Variants in SND1 observed in about 807,000 individuals in gnomAD.
The protein encoded by SND1 is staphylococcal nuclease and tudor domain containing 1, also known as staphylococcal nuclease domain-containing protein 1.
A neutral mutation model predicts 121.7 loss-of-function variants in SND1; 38 were observed. That is an observed-to-expected ratio of 0.31 (90% CI 0.24 to 0.41). SND1 has a LOEUF of 0.41. Ranked by LOEUF, SND1 falls within the 10% of genes least tolerant of loss-of-function variation. The pLI is 1.00. For synonymous variants in SND1, 401 were observed against 447.4 expected, an observed-to-expected ratio of 0.90 and a Z score of 1.31; for missense variants, 868 against 1,184.6, an observed-to-expected ratio of 0.73 and a Z score of 3.92.
At chr7:127,958,144 A>AAGTAGTAT (rs1448995657) in intron 15 of SND1, among the ~76,000 whole-genome samples, 2 of 152,200 alleles carry the variant, frequency 1.3e-5, no homozygotes, top group South Asian at 2.1e-4. Context: ...GCTGAAAGCT[A>AAGTAGTAT]AGTAGTATAG....
Position 127,686,640 on chromosome 7 carries a change from C to T in SND1, c.106C>T (p.Arg36Ter), listed in dbSNP as rs774043269. The T allele has an allele frequency of 2.5e-6, 4 of 1,613,952 alleles. No individual in the cohort carries two copies. The highest frequency in any genetic ancestry group is 1.1e-5 in the South Asian group (1 of 91,076). ...CCTCTCAGGGTGCGCCATCATTGTC[C>T]GAGGTCAGCCTCGTGGTGGGCCTCC... ...MVLSGCAIIV[R>*]GQPRGGPPPE... The change falls in exon 2 of 24, where the codon CGA becomes TGA. Residue 36 changes from arginine (R) to a stop codon, truncating the protein, a stop_gained. Coordinates refer to ENST00000354725, the MANE Select transcript of SND1 (RefSeq NM_014390.4). LOFTEE classifies it high-confidence loss of function.
chr7:127,954,794 C>T (rs982830088), intron 15 of SND1, among the ~76,000 whole-genome samples: 5 of 152,048 alleles, frequency 3.3e-5, no homozygotes, highest in African/African-American at 1.2e-4. Flanking sequence ...AATTGATGGC[C>T]TGGACCTAAA....
chr7:127,970,023 T>G (rs1801947226), intron 15 of SND1, among the ~76,000 whole-genome samples: 1 of 152,212 alleles, frequency 6.6e-6, no homozygotes, highest in South Asian at 2.1e-4. Flanking sequence ...AATTTCACAT[T>G]GTAGTCATTA....
At chr7:127,790,213 G>A (rs187585457) in intron 10 of SND1, among the ~76,000 whole-genome samples, 15 of 152,228 alleles carry the variant, frequency 9.9e-5, no homozygotes, top group South Asian at 8.3e-4. Context: ...CCTTGTCATC[G>A]AGTGGTGAGG....
chr7:127,792,964 C>A (rs1797940785), intron 10 of SND1, among the ~76,000 whole-genome samples: 1 of 152,212 alleles, frequency 6.6e-6, no homozygotes, highest in African/African-American at 2.4e-5. Flanking sequence ...AGCCAGGTGG[C>A]AAGGCAGAAA....
intron 2 of SND1, among the ~76,000 whole-genome samples, chr7:127,693,054 CTA>C (rs1327653472): frequency 6.6e-6 from 1 of 152,150 alleles, no homozygotes; most frequent in Middle Eastern, 3.2e-3. Context: ...TAGGAAAGCT[CTA>C]TGTTACTGAA....
chr7:127,885,462 A>C (rs1799884368), intron 12 of SND1, among the ~76,000 whole-genome samples: 1 of 152,160 alleles, frequency 6.6e-6, no homozygotes, highest in Admixed American at 6.6e-5. Context: ...TGAGCTTTAA[A>C]GGAAAGAGAG....
At chr7:127,808,140 A>G (rs932874287) in intron 11 of SND1, among the ~76,000 whole-genome samples, 3 of 138,838 alleles carry the variant, frequency 2.2e-5, no homozygotes, top group African/African-American at 8.1e-5. Flanking sequence ...TCATGTGCAG[A>G]TTTTTGTGTA....
intron 15 of SND1, among the ~76,000 whole-genome samples, chr7:127,944,277 G>A (rs1328979382): frequency 6.6e-6 from 1 of 152,188 alleles, no homozygotes. Flanking sequence ...TTGGAATCTG[G>A]CGTAAGCAGC....
chr7:127,926,543 C>CTTT (rs1800837240), intron 14 of SND1, among the ~76,000 whole-genome samples: 1 of 113,152 alleles, frequency 8.8e-6, no homozygotes, highest in Admixed American at 8.8e-5. Flanking sequence ...CTTTGATTTT[C>CTTT]TTTTTCTTTT....
chr7:127,927,349 C>T (rs1432466759), intron 14 of SND1, among the ~76,000 whole-genome samples: 2 of 152,084 alleles, frequency 1.3e-5, no homozygotes, highest in African/African-American at 2.4e-5. Flanking sequence ...TCATGATTTG[C>T]GATAATCAAT....
chr7:127,744,950 C>T lies in SND1; in HGVS notation c.1152+23550C>T, dbSNP rs549329842. On this transcript the variant is annotated intron_variant, in intron 10 of 23. Coordinates refer to ENST00000354725, the MANE Select transcript of SND1 (RefSeq NM_014390.4). ...TTGCATCTTGCAAATTACATAATGC[C>T]TGAGCAAGGTTTCCCTTTTAAAACT... 3.0e-4 allele frequency among the ~76,000 whole-genome samples: 45 copies of T among 152,344 alleles called. 2 individuals are homozygous for T. In the South Asian group the frequency reaches 8.7e-3, roughly 29 times the overall value.
At chr7:127,898,634 T>G (rs747532588) in intron 13 of SND1, among the ~76,000 whole-genome samples, 1 of 152,196 alleles carries the variant, frequency 6.6e-6, no homozygotes, top group Non-Finnish European at 1.5e-5. Context: ...AGTTTTTTAC[T>G]CTTTGTTCTG....
At position 128,029,741 on chromosome 7, in the gene SND1, G is replaced by A; in HGVS notation, c.1779+38685G>A. ...GAATGTCACAATCACAGTTCCAAGG[G>A]TTGTGGTGTAGATGCAACTCCACCA... On this transcript the variant is annotated intron_variant, in intron 16 of 23. Transcript: ENST00000354725. The surrounding 1 kb of genome is among the most constrained non-coding windows in gnomAD (Gnocchi z 4.2). The A allele has an allele frequency of 6.2e-7, 1 of 1,614,142 alleles. No individual in the cohort carries two copies. Among genetic ancestry groups the A allele is most frequent in the Non-Finnish European group, 8.5e-7 (1 of 1,180,040 alleles).
intron 10 of SND1, among the ~76,000 whole-genome samples, chr7:127,795,426 A>C (rs554053001): frequency 2.2e-4 from 34 of 152,330 alleles, no homozygotes; most frequent in African/African-American, 7.7e-4. Flanking sequence ...GTTCTTTTGA[A>C]AATATTCCTC....
At chr7:127,660,164 C>T (rs1795283821) in intron 1 of SND1, among the ~76,000 whole-genome samples, 1 of 152,080 alleles carries the variant, frequency 6.6e-6, no homozygotes, top group Non-Finnish European at 1.5e-5. Flanking sequence ...TCTTGGTTTC[C>T]TTTCAGTAGT....
chr7:127,798,501 A>G lies in SND1; in HGVS notation c.1153-8983A>G, dbSNP rs193019333. 5.3e-5 allele frequency among the ~76,000 whole-genome samples: 8 copies of G among 152,292 alleles called. No homozygotes were observed. The East Asian group carries it at 9.6e-4, about 18-fold the overall frequency. ...GAAATTTTGTTTTGTCACTGTTACT[A>G]CAATGTTTCCTGGTGTCTTATTTGT... On this transcript the variant is annotated intron_variant, in intron 10 of 23. Coordinates refer to ENST00000354725, the MANE Select transcript of SND1 (RefSeq NM_014390.4).
At chr7:127,976,566 G>C (rs1299061859) in intron 15 of SND1, among the ~76,000 whole-genome samples, 1 of 152,214 alleles carries the variant, frequency 6.6e-6, no homozygotes, top group African/African-American at 2.4e-5. Flanking sequence ...CCTGTCCACT[G>C]GCCACAGTGG....
chr7:127,734,822 T>G (rs1031425713), intron 10 of SND1, among the ~76,000 whole-genome samples: 2 of 152,216 alleles, frequency 1.3e-5, no homozygotes, highest in African/African-American at 4.8e-5. Context: ...GGATGAGAAA[T>G]GCTGTCTGTT....
Sources: allele counts gnomAD v4.1 joint callset (sites outside exome capture counted in the v4.1 genomes callset), GRCh38; gene constraint gnomAD v4.1.1; non-coding constraint Gnocchi (gnomAD v3.1); transcripts MANE v1.5; gene names NCBI Gene and HGNC (gene_info 2026-07-23, HGNC 2026-07-21).